ERCC6: variants seen among roughly 807,000 people sequenced by gnomAD.
ERCC6 encodes DNA excision repair protein ERCC-6.
Under a neutral mutation model 158.7 loss-of-function variants are expected in ERCC6, and 116 were observed. The observed-to-expected ratio is 0.73, with a 90% CI of 0.63 to 0.85. ERCC6 has a LOEUF of 0.85. Ranked by LOEUF, ERCC6 falls within the 40% of genes least tolerant of loss-of-function variation. The pLI is 0.00. For synonymous variants in ERCC6, 678 were observed against 659.3 expected (o/e 1.03, Z -0.43); for missense variants, 1,698 against 1,799.4 (o/e 0.94, Z 1.02).
At chr10:49,508,249 A>G (rs937069626) in intron 5 of ERCC6, among the ~76,000 whole-genome samples, 13 of 152,224 alleles carry the variant, frequency 8.5e-5, no homozygotes, top group African/African-American at 3.1e-4. Flanking sequence ...AGTTTGGCAC[A>G]AGGCCATTAA....
At chr10:49,471,346 C>T (rs1388089001) in intron 16 of ERCC6, among the ~76,000 whole-genome samples, 1 of 152,188 alleles carries the variant, frequency 6.6e-6, no homozygotes. Context: ...TTATTATTTA[C>T]ACCGAATGAG....
In ERCC6 at chr10:49,471,046, T is replaced by A. The variant is rs754962598; in HGVS notation, c.2999A>T (p.Asp1000Val). 1 of 1,614,122 alleles carries A rather than the reference T, an allele frequency of 6.2e-7. No individual in the cohort carries two copies. Residue 1000 changes from aspartate (D) to valine (V), a missense_variant, in exon 17 of 21, where the codon GAT (aspartate) becomes GTT (valine). Transcript: ENST00000355832. ...AGTCAGAGTAAATAGCTCATAGAGA[T>A]CATTGGATTTGAAAAACCGCCTTTG... ...PKQRRFFKSNDLYELFTLTSP... is the reference protein window; with the variant it reads ...PKQRRFFKSNVLYELFTLTSP...
intron 18 of ERCC6, among the ~76,000 whole-genome samples, chr10:49,464,200 G>C (rs1303505246): frequency 2.0e-5 from 3 of 152,192 alleles, no homozygotes; most frequent in Admixed American, 2.0e-4. Context: ...GAACTTGTTG[G>C]GAATTGGAGC....
downstream of ERCC6, among the ~76,000 whole-genome samples, chr10:49,453,492 T>G (rs1850443258): frequency 6.6e-6 from 1 of 152,208 alleles, no homozygotes; most frequent in Admixed American, 6.5e-5. Context: ...ATATGACATT[T>G]CTGTATGTTA....
intron 10 of ERCC6, among the ~76,000 whole-genome samples, chr10:49,480,200 C>G (rs1850952944): frequency 6.6e-6 from 1 of 152,194 alleles, no homozygotes; most frequent in African/African-American, 2.4e-5. Flanking sequence ...TTTCAGGCCC[C>G]AGGTGAGTCA....
chr10:49,483,469 T>C lies in ERCC6; in HGVS notation c.1869A>G (p.Thr623=). The C allele has an allele frequency of 6.2e-7, 1 of 1,614,156 alleles. No individual in the cohort carries two copies. Among genetic ancestry groups the C allele is most frequent in the African/African-American group, 1.3e-5 (1 of 75,062 alleles). ...GCATCAATCGAATGTAGGAGTAAGA[T>C]GTGATCAAAATTCCATGACAATGAG... The part of the protein sequence containing the change: ...DVAHCHGILI[T]SYSYIRLMQD... Residue 623 remains threonine (T), a synonymous_variant, in exon 9 of 21, where the codon ACA becomes ACG. Transcript: ENST00000355832.
intron 18 of ERCC6, among the ~76,000 whole-genome samples, chr10:49,468,667 C>T (rs1234887953): frequency 1.3e-5 from 2 of 152,156 alleles, no homozygotes; most frequent in African/African-American, 4.8e-5. Flanking sequence ...CACACACATA[C>T]ATACATCTAT....
chr10:49,483,053 A>C (rs1398057559), intron 9 of ERCC6, among the ~76,000 whole-genome samples, 190 bp from the exon 10 acceptor site: 1 of 152,216 alleles, frequency 6.6e-6, no homozygotes, highest in East Asian at 1.9e-4. Flanking sequence ...AAAAATGAGA[A>C]AGAATTTTTT....
At chr10:49,526,796 G>C (rs1837351162) in intron 4 of ERCC6, among the ~76,000 whole-genome samples, 2 of 152,166 alleles carry the variant, frequency 1.3e-5, no homozygotes, top group Admixed American at 1.3e-4. Context: ...ATGTCTTCAA[G>C]TGTTGGCTGG....
chr10:49,438,939 A>C, the ERCC6 span, among the ~76,000 whole-genome samples: 1 of 152,306 alleles, frequency 6.6e-6, no homozygotes, highest in African/African-American at 2.4e-5. Context: ...CTGATGTAAA[A>C]AGTAGGTTCC....
chr10:49,470,156 T>C lies in ERCC6; in HGVS notation c.3778+26A>G, dbSNP rs766662529. 1.1e-5 allele frequency: 18 copies of C among 1,604,960 alleles called. No individual in the cohort carries two copies. In the South Asian group the frequency reaches 2.0e-4, roughly 18 times the overall value. ...ACTCATTTTCTAATCCTAGCATCCC[T>C]GTGGCAAACGTATCAAATGGATTAC... On this transcript the variant is annotated intron_variant, in intron 18 of 20. Coordinates refer to ENST00000355832, the MANE Select transcript of ERCC6 (RefSeq NM_000124.4).
chr10:49,461,846 T>A lies in ERCC6; in HGVS notation c.3779-290A>T, dbSNP rs74944791. Among the ~76,000 whole-genome samples, 2,755 of 152,202 alleles carry A rather than the reference T, an allele frequency of 0.018. 54 individuals carry two copies. The highest frequency in any genetic ancestry group is 0.026 in the Non-Finnish European group (1,740 of 68,000). On this transcript the variant is annotated intron_variant, in intron 18 of 20. Transcript: ENST00000355832. ...ACAGAAAAGACCAAACACTTAGGAA[T>A]AAACCCAAGCAATGTGTAAAGCCTA...
chr10:49,475,233 G>A, intron 12 of ERCC6: 1 of 305,372 alleles, frequency 3.3e-6, no homozygotes, highest in Admixed American at 3.9e-5. Context: ...CAAAAAAGGA[G>A]TAAAATATCT....
intron 8 of ERCC6, among the ~76,000 whole-genome samples, chr10:49,487,341 A>C (rs1851094274): frequency 6.6e-6 from 1 of 152,156 alleles, no homozygotes; most frequent in Non-Finnish European, 1.5e-5. Context: ...CTCATCTTCC[A>C]TCTTCCCATT....
chr10:49,478,366 A>G lies in ERCC6; in HGVS notation c.2274T>C (p.Asp758=). The G allele has an allele frequency of 5.6e-6, 9 of 1,610,208 alleles. No individual in the cohort carries two copies. The highest frequency in any genetic ancestry group is 6.8e-6 in the Non-Finnish European group (8 of 1,176,428). ...TGGATTTACAGACCTGTTCATTTTT[A>G]TCTGGCAAAGAAAGGCTCATCTTGA... The part of the protein sequence containing the change: ...SDVKMSLSLP[D]KNEQVLFCRL... The change falls in exon 11 of 21, where the codon GAT becomes GAC. Residue 758 remains aspartate (D), a synonymous_variant. Transcript: ENST00000355832.
rs4253040 is a variant in ERCC6, at chr10:49,528,282, A to T, written c.652+135T>A. The stretch of plus-strand genomic sequence containing the variant: ...AGGTGTAGAGAATAAAATTTTCCTA[A>T]ATCTGTTTTGACACTAAGGCAAAGA... On this transcript the variant is annotated intron_variant, in intron 4 of 20. Coordinates refer to ENST00000355832, the MANE Select transcript of ERCC6 (RefSeq NM_000124.4). 91,181 of 1,036,010 alleles carry T rather than the reference A, an allele frequency of 0.088. 6,559 individuals carry two copies. Among genetic ancestry groups the T allele is most frequent in the East Asian group, 0.35 (13,438 of 38,744 alleles). The allele number at this position is 1,036,010 out of a possible 1,614,324, so 64.2% of individuals were successfully genotyped here.
At chr10:49,534,133 C>CAAAA (rs746772551) in intron 1 of ERCC6, among the ~76,000 whole-genome samples, 24 of 60,180 alleles carry the variant, frequency 4.0e-4, no homozygotes, top group Middle Eastern at 0.013. Flanking sequence ...GACTCAATCT[C>CAAAA]AAAAAAAAAA....
chr10:49,485,392 G>A (rs901214625), intron 8 of ERCC6, among the ~76,000 whole-genome samples: 7 of 152,152 alleles, frequency 4.6e-5, no homozygotes, highest in African/African-American at 9.7e-5. Flanking sequence ...AGTTTAAAAA[G>A]AAGATTGTAT....
chr10:49,490,178 G>A (rs1020504306), intron 8 of ERCC6, among the ~76,000 whole-genome samples: 1 of 152,030 alleles, frequency 6.6e-6, no homozygotes, highest in African/African-American at 2.4e-5. Context: ...TTGCATGGCT[G>A]CTGGGTGTAC....
Sources: allele counts gnomAD v4.1 joint callset (sites outside exome capture counted in the v4.1 genomes callset), GRCh38; gene constraint gnomAD v4.1.1; transcripts MANE v1.5; gene names NCBI Gene and HGNC (gene_info 2026-07-23, HGNC 2026-07-21).